Variants in BSPRY observed in about 807,000 individuals in gnomAD.
BSPRY encodes B-box and SPRY domain containing.
A neutral mutation model predicts 38.0 loss-of-function variants in BSPRY; 33 were observed. That is an observed-to-expected ratio of 0.87 (90% CI 0.66 to 1.16). The LOEUF (loss-of-function observed/expected upper bound fraction) is 1.16. Ranked by LOEUF, BSPRY falls within the 50% of genes most tolerant of loss-of-function variation. The pLI, the probability that BSPRY is intolerant of heterozygous loss-of-function variation, is 0.00. For missense variants in BSPRY, 523 were observed against 533.2 expected (o/e 0.98, Z 0.19); for synonymous variants, 224 against 228.5 (o/e 0.98, Z 0.18).
chr9:113,356,762 G>GT (rs1475720341), intron 2 of BSPRY, among the ~76,000 whole-genome samples: 2 of 152,152 alleles, frequency 1.3e-5, no homozygotes, highest in Non-Finnish European at 2.9e-5. Flanking sequence ...TAATGCTGAA[G>GT]TTTTTTTATT....
chr9:113,349,824 C>A (rs1478726756), intron 1 of BSPRY, 44 bp downstream of exon 1: 1 of 1,211,796 alleles, frequency 8.3e-7, no homozygotes, highest in Non-Finnish European at 1.0e-6. Flanking sequence ...CCGGAGACCC[C>A]GGGCGCGCCT....
chr9:113,369,544 C>A (rs572797628), intron 5 of BSPRY, 72 bp from the exon 6 acceptor site: 4 of 1,496,790 alleles, frequency 2.7e-6, no homozygotes, highest in African/African-American at 2.8e-5. Flanking sequence ...GGTGAGGAAC[C>A]TTTTGCTACC....
intron 2 of BSPRY, among the ~76,000 whole-genome samples, chr9:113,358,803 C>T (rs10817486): frequency 0.15 from 22,859 of 152,150 alleles, 2,174 homozygotes; most frequent in Non-Finnish European, 0.21. Context: ...GATCCAGGAT[C>T]ACACAGTACA....
chr9:113,368,036 G>GC (rs1834279018), intron 4 of BSPRY, among the ~76,000 whole-genome samples: 1 of 152,020 alleles, frequency 6.6e-6, no homozygotes, highest in Non-Finnish European at 1.5e-5. Flanking sequence ...TTATTATGTT[G>GC]CCCATGCTGG....
At chr9:113,356,718 G>A (rs1481757999) in intron 2 of BSPRY, among the ~76,000 whole-genome samples, 4 of 152,176 alleles carry the variant, frequency 2.6e-5, no homozygotes, top group African/African-American at 9.7e-5. Context: ...TGGACTAGAT[G>A]TAGGCTATGA....
chr9:113,352,098 A>C (rs1422584244), intron 1 of BSPRY, among the ~76,000 whole-genome samples: 1 of 152,152 alleles, frequency 6.6e-6, no homozygotes, highest in African/African-American at 2.4e-5. Flanking sequence ...GGTGTGAGCC[A>C]CCGTGCCCGG....
intron 2 of BSPRY, 136 bp from the exon 3 acceptor site, chr9:113,360,371 T>A (rs1298211859): frequency 3.7e-6 from 3 of 804,098 alleles, no homozygotes. Flanking sequence ...GCTTACATGC[T>A]ATTATTTCCA....
intron 4 of BSPRY, among the ~76,000 whole-genome samples, chr9:113,364,121 G>A (rs1372639968): frequency 6.6e-6 from 1 of 151,998 alleles, no homozygotes; most frequent in East Asian, 1.9e-4. Context: ...AGGAGGCGGA[G>A]GTTATAGTGA....
rs1300001314 is a variant in BSPRY, at chr9:113,360,645, C to T, written c.439C>T (p.Arg147Trp). 1.2e-6 allele frequency: 2 copies of T among 1,609,092 alleles called. No homozygotes were observed. The highest frequency in any genetic ancestry group is 2.2e-5 in the East Asian group (1 of 44,778). The part of the protein sequence containing the change: ...ERAHQSILTQ[R>W]VHWAEALQKL... ...GGCCCACCAGAGCATCCTGACACAG[C>T]GGGTGCACTGGGCCGAGGCGCTGCA... Residue 147 changes from arginine to tryptophan, a missense_variant, in exon 3 of 6, where the codon CGG becomes TGG. Transcript: ENST00000374183.
intron 3 of BSPRY, among the ~76,000 whole-genome samples, chr9:113,362,012 G>A (rs1276325277): frequency 6.6e-6 from 1 of 152,230 alleles, no homozygotes; most frequent in Non-Finnish European, 1.5e-5. Context: ...CACTGGGACA[G>A]TCACAATAGA....
chr9:113,363,085 G>T (rs10981767), intron 4 of BSPRY, among the ~76,000 whole-genome samples: 59,248 of 151,850 alleles, frequency 0.39, 13,351 homozygotes, highest in African/African-American at 0.62. Flanking sequence ...TTTTTATATT[G>T]AAGTTTCAAT....
intron 1 of BSPRY, among the ~76,000 whole-genome samples, chr9:113,350,682 C>G (rs35915957): frequency 6.6e-6 from 1 of 152,088 alleles, no homozygotes; most frequent in Admixed American, 6.5e-5. Flanking sequence ...CTGGGGACTT[C>G]GCCTACCCAG....
At chr9:113,369,479 C>A in intron 5 of BSPRY, 137 bp from the exon 6 acceptor site, 1 of 869,762 alleles carries the variant, frequency 1.1e-6, no homozygotes, top group Non-Finnish European at 1.8e-6. Flanking sequence ...CCCCGTTTTG[C>A]AGACAAGGCT....
chr9:113,352,074 G>A (rs1453999235), intron 1 of BSPRY, among the ~76,000 whole-genome samples: 1 of 152,174 alleles, frequency 6.6e-6, no homozygotes, highest in Non-Finnish European at 1.5e-5. Flanking sequence ...GCCTCCCAAA[G>A]TGTTGGGATT....
chr9:113,362,499 G>A (rs1834172653), intron 4 of BSPRY, 105 bp downstream of exon 4: 3 of 1,219,988 alleles, frequency 2.5e-6, no homozygotes, highest in Non-Finnish European at 3.6e-6. Context: ...TGCACAGGGT[G>A]TGCAGCTGAG....
chr9:113,369,608 T>G lies in BSPRY; in HGVS notation c.683-8T>G. On this transcript the variant is annotated splice_region_variant and splice_polypyrimidine_tract_variant and intron_variant, in intron 5 of 5. Coordinates refer to ENST00000374183, the MANE Select transcript of BSPRY (RefSeq NM_017688.3). Reference sequence around the variant, plus strand: ...GCCCTCGGCAACTCTGAGAATTCTTTCTGGCAGGCACAGAGGACATACGGA... The same window carrying G: ...GCCCTCGGCAACTCTGAGAATTCTTGCTGGCAGGCACAGAGGACATACGGA... The G allele has an allele frequency of 1.3e-6, 2 of 1,593,440 alleles. No individual in the cohort carries two copies. The highest frequency in any genetic ancestry group is 1.7e-6 in the Non-Finnish European group (2 of 1,167,924).
chr9:113,368,564 A>G (rs1266763687), intron 5 of BSPRY, among the ~76,000 whole-genome samples, 181 bp downstream of exon 5: 2 of 152,234 alleles, frequency 1.3e-5, no homozygotes, highest in Middle Eastern at 3.2e-3. Flanking sequence ...AGCTGGGCCA[A>G]GTCCTTCCCA....
intron 4 of BSPRY, 64 bp from the exon 5 acceptor site, chr9:113,368,195 A>G: frequency 1.3e-6 from 2 of 1,588,726 alleles, no homozygotes; most frequent in Non-Finnish European, 1.7e-6. Flanking sequence ...TCTTCACCCC[A>G]TATTGATCCA....
rs778625266 is a variant in BSPRY at position 113,369,838 on chromosome 9, T to A, written c.905T>A (p.Val302Glu). The A allele has an allele frequency of 6.2e-7, 1 of 1,614,096 alleles. No homozygotes were observed. Among genetic ancestry groups the A allele is most frequent in the Non-Finnish European group, 8.5e-7 (1 of 1,180,028 alleles). Residue 302 changes from valine to glutamate, a missense_variant, in exon 6 of 6, where the codon GTG becomes GAG. By Grantham distance (121) the Val-to-Glu change is moderately radical (BLOSUM62 -2). Transcript: ENST00000374183. ...AACAGTTGTGCCTATAAGGTGGGCG[T>A]GGCTTCAGGCCACCTGCCCCGCAAG... ...VQNSCAYKVG[V>E]ASGHLPRKGS... is the part of the protein sequence containing the mutation.
Sources: allele counts gnomAD v4.1 joint callset (sites outside exome capture counted in the v4.1 genomes callset), GRCh38; gene constraint gnomAD v4.1.1; transcripts MANE v1.5; gene names NCBI Gene and HGNC (gene_info 2026-07-23, HGNC 2026-07-21).